The following SPAG7 variants were observed in gnomAD, a reference collection of about 807,000 sequenced individuals.
SPAG7 encodes sperm associated antigen 7, also known as sperm-associated antigen 7.
In SPAG7, 20 loss-of-function variants were observed where a neutral mutation model predicts 30.6. The ratio of observed to expected loss-of-function variants is 0.65; its 90% CI spans 0.46 to 0.95. SPAG7 has a LOEUF of 0.95. Ranked by LOEUF, SPAG7 falls within the 40% of genes least tolerant of loss-of-function variation. The pLI is 0.00. For synonymous variants in SPAG7, 127 were observed against 104.2 expected, an observed-to-expected ratio of 1.22 and a Z score of -1.33; for missense variants, 276 against 291.1, an observed-to-expected ratio of 0.95 and a Z score of 0.38.
rs748417471 is a variant in SPAG7 at position 4,960,836 on chromosome 17, T to C, written c.103A>G (p.Lys35Glu). 7.4e-6 allele frequency: 12 copies of C among 1,614,150 alleles called. No homozygotes were observed. In the South Asian group the frequency reaches 1.1e-4, roughly 15 times the overall value. The part of the protein sequence containing the change: ...RKAREQAARL[K>E]KLQEQEKQQK... ...TGTTTCTCTTGCTCTTGTAGTTTCT[T>C]CAGGCGGGCGGCCTGTTCTGGGGGT... Residue 35 changes from lysine to glutamate, a missense_variant, in exon 2 of 7, where the codon AAG becomes GAG. Transcript: ENST00000206020.
chr17:4,963,343 TCAAAAA>T (rs994002942), intron 1 of SPAG7, among the ~76,000 whole-genome samples: 1 of 150,928 alleles, frequency 6.6e-6, no homozygotes, highest in Non-Finnish European at 1.5e-5. Flanking sequence ...CAAGACCCTG[TCAAAAA>T]CAAAAACAAA....
intron 1 of SPAG7, among the ~76,000 whole-genome samples, chr17:4,963,289 G>A (rs1036254666): frequency 6.6e-6 from 1 of 151,928 alleles, no homozygotes; most frequent in Non-Finnish European, 1.5e-5. Flanking sequence ...TCGGGAGGCT[G>A]AGGTAGGAAG....
Position 4,960,228 on chromosome 17 carries a change from C to T in SPAG7, c.327+6G>A, listed in dbSNP as rs771483534. 3 of 1,613,856 alleles carry T rather than the reference C, an allele frequency of 1.9e-6. No individual in the cohort carries two copies. The Admixed American group carries it at 5.0e-5, about 27-fold the overall frequency. ...GAGGAGAGAATGAGGAATTCAGGCCCTTTACCTTTTTGAAGATCATGACAT... is the reference window on the plus strand; with the variant it reads ...GAGGAGAGAATGAGGAATTCAGGCCTTTTACCTTTTTGAAGATCATGACAT... On this transcript the variant is annotated splice_donor_region_variant and intron_variant, in intron 4 of 6. Coordinates refer to ENST00000206020, the MANE Select transcript of SPAG7 (RefSeq NM_004890.3).
At chr17:4,965,864 T>C (rs550699283) in intron 1 of SPAG7, 1 of 143,000 alleles carries the variant, frequency 7.0e-6, no homozygotes, top group East Asian at 2.0e-4. Flanking sequence ...ATTTATTTAT[T>C]TATTTATGAG....
intron 6 of SPAG7, 24 bp downstream of exon 6, chr17:4,959,735 AC>A: frequency 1.9e-6 from 3 of 1,613,710 alleles, no homozygotes; most frequent in Non-Finnish European, 1.7e-6. Context: ...TCTCCCAGCC[AC>A]CCCCAGCCGC....
rs1218315638 is a variant in SPAG7 at position 4,959,578 on chromosome 17, T to G, written c.640A>C (p.Lys214Gln). ...EEAMNEIRAK[K>Q]RLRQSGEELP... is the part of the protein sequence containing the mutation. Reference sequence around the variant, plus strand: ...TCTTCCCCACTCTGCCGCAGACGCTTCTTGGCTCTGATCTCATTCATAGCC... The same window carrying G: ...TCTTCCCCACTCTGCCGCAGACGCTGCTTGGCTCTGATCTCATTCATAGCC... The change falls in exon 7 of 7, where the codon AAG becomes CAG. Residue 214 changes from lysine (K) to glutamine (Q), a missense_variant. Physicochemically the swap from Lys to Gln is moderately conservative, Grantham distance 53. Coordinates refer to ENST00000206020, the MANE Select transcript of SPAG7 (RefSeq NM_004890.3). 6.2e-7 allele frequency: 1 copy of G among 1,614,010 alleles called. No individual in the cohort carries two copies. The highest frequency in any genetic ancestry group is 8.5e-7 in the Non-Finnish European group (1 of 1,180,036).
At chr17:4,963,711 C>T (rs572574025) in intron 1 of SPAG7, among the ~76,000 whole-genome samples, 148 of 152,236 alleles carry the variant, frequency 9.7e-4, no homozygotes, top group African/African-American at 3.4e-3. Flanking sequence ...CCTGCCTCGG[C>T]CTCCCAAAGT....
In SPAG7 at chr17:4,960,299, C is replaced by A. The variant is rs760727518; in HGVS notation, c.262G>T (p.Ala88Ser). Reference protein sequence around the residue: ...RSILHDVVEVAGLTSFSFGED... With the variant: ...RSILHDVVEVSGLTSFSFGED... Reference sequence around the variant, plus strand: ...CCAAAGGAGAAGGATGTCAGGCCAGCCACTTCCACCACATCATGTCTGGGA... The same window carrying A: ...CCAAAGGAGAAGGATGTCAGGCCAGACACTTCCACCACATCATGTCTGGGA... Residue 88 changes from alanine (A) to serine (S), a missense_variant, in exon 4 of 7, where the codon GCT becomes TCT. By Grantham distance (99) the Ala-to-Ser change is moderately conservative. Coordinates refer to ENST00000206020, the MANE Select transcript of SPAG7 (RefSeq NM_004890.3). 30 of 1,614,180 alleles carry A rather than the reference C, an allele frequency of 1.9e-5. No homozygotes were observed. Among genetic ancestry groups the A allele is most frequent in the Non-Finnish European group, 2.5e-5 (29 of 1,179,998 alleles).
Position 4,960,603 on chromosome 17 carries a change from T to C in SPAG7, c.154-56A>G, listed in dbSNP as rs560070757. On this transcript the variant is annotated intron_variant, in intron 2 of 6. Coordinates refer to ENST00000206020, the MANE Select transcript of SPAG7 (RefSeq NM_004890.3). ...GACAATGGCTCCACCCAAGTACCCC[T>C]CTCCCTAGCTGAGCCTGGGCCCTTC... The C allele has an allele frequency of 3.4e-6, 5 of 1,475,114 alleles. No individual in the cohort carries two copies. The Admixed American group carries it at 7.1e-5, about 21-fold the overall frequency. The allele number at this position is 1,475,114 out of a possible 1,614,324, so 91.4% of individuals were successfully genotyped here.
chr17:4,960,296 C>T lies in SPAG7; in HGVS notation c.265G>A (p.Gly89Ser), dbSNP rs772163068. The T allele has an allele frequency of 6.2e-7, 1 of 1,614,178 alleles. No homozygotes were observed. The change falls in exon 4 of 7, where the codon GGC (glycine) becomes AGC (serine). Residue 89 changes from glycine to serine, a missense_variant. Gly to Ser is a moderately conservative substitution (Grantham distance 56). Coordinates refer to ENST00000206020, the MANE Select transcript of SPAG7 (RefSeq NM_004890.3). ...TCCCCAAAGGAGAAGGATGTCAGGC[C>T]AGCCACTTCCACCACATCATGTCTG... ...SILHDVVEVAGLTSFSFGEDD... is the reference protein window; with the variant it reads ...SILHDVVEVASLTSFSFGEDD...
chr17:4,966,866 T>C, intron 1 of SPAG7: 2 of 985,452 alleles, frequency 2.0e-6, no homozygotes, highest in Non-Finnish European at 2.4e-6. Flanking sequence ...CTGGTCCCCC[T>C]GGGGCACGTG....
Position 4,959,442 on chromosome 17 carries a change from G to A in SPAG7, c.*92C>T. On this transcript the variant is annotated 3_prime_UTR_variant, in exon 7 of 7. Coordinates refer to ENST00000206020, the MANE Select transcript of SPAG7 (RefSeq NM_004890.3). ...ACAGCTGGTAGGAGGTGGTTCAGAG[G>A]TGGGGCTCCAGGATGGGCTCTAATA... 1.0e-6 allele frequency: 1 copy of A among 984,176 alleles called. No individual in the cohort carries two copies. Among genetic ancestry groups the A allele is most frequent in the Non-Finnish European group, 1.6e-6 (1 of 635,286 alleles). 61.0% of individuals were successfully genotyped at this position (984,176 alleles called of 1,614,324 possible). A position where few individuals can be genotyped will look rare whatever the true frequency, so the allele number is the denominator to read the frequency against.
chr17:4,959,296 AATAAT>A lies in SPAG7; in HGVS notation c.*233_*237del. 1 of 574,216 alleles carries A rather than the reference AATAAT, an allele frequency of 1.7e-6. No homozygotes were observed. Among genetic ancestry groups the A allele is most frequent in the South Asian group, 2.3e-5 (1 of 44,376 alleles). The allele number at this position is 574,216 out of a possible 1,614,324, so 35.6% of individuals were successfully genotyped here. A position where few individuals can be genotyped will look rare whatever the true frequency, so the allele number is the denominator to read the frequency against. ...GGGGAAGAAAATTCCAAGAACGGGG[AATAAT>A]ACAGATTAAATACCCACCTGTGCAT... is the stretch of plus-strand genomic sequence containing the variant. On this transcript the variant is annotated 3_prime_UTR_variant, in exon 7 of 7. Coordinates refer to ENST00000206020, the MANE Select transcript of SPAG7 (RefSeq NM_004890.3).
At chr17:4,960,713 T>C (rs1479191563) in intron 2 of SPAG7, 73 bp downstream of exon 2, 4 of 1,495,838 alleles carry the variant, frequency 2.7e-6, no homozygotes, top group Non-Finnish European at 1.9e-6. Flanking sequence ...CAAAACTGAG[T>C]CCTCAACCTT....
Position 4,959,554 on chromosome 17 carries a change from C to A in SPAG7, c.664G>T (p.Glu222Ter). The change falls in exon 7 of 7, where the codon GAG becomes TAG. Residue 222 changes from glutamate to a stop codon, truncating the protein, a stop_gained. Transcript: ENST00000206020. LOFTEE classifies it high-confidence loss of function. Reference sequence around the variant, plus strand: ...GGCGCCTAGGAGGTTGGCGGCAACTCTTCCCCACTCTGCCGCAGACGCTTC... The same window carrying A: ...GGCGCCTAGGAGGTTGGCGGCAACTATTCCCCACTCTGCCGCAGACGCTTC... ...AKKRLRQSGEELPPTS is the reference protein window; with the variant it reads ...AKKRLRQSGE 6.2e-7 allele frequency: 1 copy of A among 1,613,626 alleles called. No individual in the cohort carries two copies. Among genetic ancestry groups the A allele is most frequent in the Non-Finnish European group, 8.5e-7 (1 of 1,179,898 alleles).
chr17:4,962,838 G>C lies in SPAG7; in HGVS notation c.86-1985C>G, dbSNP rs142981302. 2.6e-3 allele frequency among the ~76,000 whole-genome samples: 392 copies of C among 152,086 alleles called. 2 individuals are homozygous for C. Among genetic ancestry groups the C allele is most frequent in the African/African-American group, 8.8e-3 (366 of 41,490 alleles). The stretch of plus-strand genomic sequence containing the variant: ...GCTAGGATTACAAGTGTGGGCCCAG[G>C]CTGGTCTCGAACTCGGCTTCAAATA... On this transcript the variant is annotated intron_variant, in intron 1 of 6. Coordinates refer to ENST00000206020, the MANE Select transcript of SPAG7 (RefSeq NM_004890.3).
At chr17:4,967,124 A>T in intron 1 of SPAG7, 1 of 985,892 alleles carries the variant, frequency 1.0e-6, no homozygotes, top group Non-Finnish European at 1.2e-6. Flanking sequence ...AATCAACACT[A>T]CGATCCGCCC....
chr17:4,966,870 G>A (rs1349028656), intron 1 of SPAG7: 2 of 985,378 alleles, frequency 2.0e-6, no homozygotes, highest in Non-Finnish European at 2.4e-6. Flanking sequence ...TCCCCCTGGG[G>A]CACGTGGGGA....
At position 4,960,040 on chromosome 17, in the gene SPAG7, C is replaced by T. The variant is rs372330140; in HGVS notation, c.399G>A (p.Glu133=). 5 of 1,614,062 alleles carry T rather than the reference C, an allele frequency of 3.1e-6. No individual in the cohort carries two copies. The highest frequency in any genetic ancestry group is 4.2e-6 in the Non-Finnish European group (5 of 1,180,034). ...RGEEWDPQKA[E]EKRKLKELAQ... ...AGCTCACCTTCAGCTTCCGCTTCTC[C>T]TCAGCCTTCTGGGGGTCCCATTCCT... Residue 133 remains glutamate, a synonymous_variant, in exon 5 of 7, where the codon GAG becomes GAA. Coordinates refer to ENST00000206020, the MANE Select transcript of SPAG7 (RefSeq NM_004890.3).
Sources: gnomAD v4.1 joint callset for allele counts (sites outside exome capture counted in the v4.1 genomes callset) on GRCh38, gnomAD v4.1.1 for gene constraint, MANE v1.5 for transcripts, NCBI Gene and HGNC (gene_info 2026-07-23, HGNC 2026-07-21) for gene names.